Variants in DAB2IP observed in about 807,000 individuals in gnomAD.
DAB2IP encodes DAB2 interacting protein, also known as disabled homolog 2-interacting protein.
In DAB2IP, 28 loss-of-function variants were observed where a neutral mutation model predicts 107.2. The observed-to-expected ratio is 0.26, with a 90% CI of 0.19 to 0.36. The LOEUF (loss-of-function observed/expected upper bound fraction) is 0.36. Ranked by LOEUF, DAB2IP falls within the 10% of genes least tolerant of loss-of-function variation. DAB2IP has a pLI of 1.00. For missense variants in DAB2IP, 1,400 were observed against 1,644.7 expected (o/e 0.85, Z 2.57); for synonymous variants, 755 against 706.4 (o/e 1.07, Z -1.09).
At chr9:121,616,003 C>G (rs1424533894) in intron 1 of DAB2IP, among the ~76,000 whole-genome samples, 2 of 152,128 alleles carry the variant, frequency 1.3e-5, no homozygotes, top group African/African-American at 2.4e-5. Flanking sequence ...ATCTTGTGTC[C>G]CTGGGCCCAT....
At chr9:121,718,265 A>G (rs540529078) in intron 3 of DAB2IP, among the ~76,000 whole-genome samples, 1 of 151,886 alleles carries the variant, frequency 6.6e-6, no homozygotes, top group African/African-American at 2.4e-5. Context: ...TCACTCACTC[A>G]CTGGCTGCTC....
intron 1 of DAB2IP, among the ~76,000 whole-genome samples, chr9:121,568,233 T>C (rs1393679742): frequency 6.6e-6 from 1 of 152,118 alleles, no homozygotes; most frequent in Non-Finnish European, 1.5e-5. Context: ...CAAGGCCAAA[T>C]TTCCTTCCTC....
At chr9:121,686,532 C>G (rs986822403) in intron 2 of DAB2IP, among the ~76,000 whole-genome samples, 3 of 152,232 alleles carry the variant, frequency 2.0e-5, no homozygotes, top group Non-Finnish European at 4.4e-5. Context: ...GTGGAATGCT[C>G]TCTGTGGGGG....
In DAB2IP at chr9:121,760,505, C is replaced by T; in HGVS notation, c.1170+66C>T. 1 of 1,476,184 alleles carries T rather than the reference C, an allele frequency of 6.8e-7. No homozygotes were observed. The allele number at this position is 1,476,184 out of a possible 1,614,324, so 91.4% of individuals were successfully genotyped here. On this transcript the variant is annotated intron_variant, in intron 6 of 15. Transcript: ENST00000408936. The surrounding 1 kb of genome is among the most constrained non-coding windows in gnomAD (Gnocchi z 5.9). ...CAGCACTGGGTTACCTGCCCTTCCT[C>T]ACATCCGTACATTTCAGGCCTAACA...
In DAB2IP at chr9:121,633,317, T is replaced by C. The variant is rs1831961107; in HGVS notation, c.41-45361T>C. ...CCTCCCCAGGCCTATAAATTAATCA[T>C]GTGCACAAAGAGGGCCTTGTTCTCT... On this transcript the variant is annotated intron_variant, in intron 1 of 16. Coordinates refer to the DAB2IP transcript ENST00000259371. The surrounding 1 kb of genome is among the most constrained non-coding windows in gnomAD (Gnocchi z 5.1). Among the ~76,000 whole-genome samples, 1 of 152,022 alleles carries C rather than the reference T, an allele frequency of 6.6e-6. No homozygotes were observed. Among genetic ancestry groups the C allele is most frequent in the Admixed American group, 6.6e-5 (1 of 15,258 alleles).
At chr9:121,660,481 C>T (rs1377551000) in intron 1 of DAB2IP, among the ~76,000 whole-genome samples, 6 of 152,150 alleles carry the variant, frequency 3.9e-5, no homozygotes, top group Non-Finnish European at 8.8e-5. Flanking sequence ...GGCCAGTCCG[C>T]TTCCTGGGGA....
chr9:121,689,087 G>C (rs1253703726), intron 2 of DAB2IP, among the ~76,000 whole-genome samples: 1 of 152,172 alleles, frequency 6.6e-6, no homozygotes, highest in African/African-American at 2.4e-5. Context: ...GAGGTCAGGA[G>C]TTCTAGACCA....
At chr9:121,646,129 G>T (rs559379109) in intron 1 of DAB2IP, among the ~76,000 whole-genome samples, 1 of 152,150 alleles carries the variant, frequency 6.6e-6, no homozygotes, top group Non-Finnish European at 1.5e-5. Context: ...CCCCACTTCC[G>T]CCTGTGTTGA....
intron 3 of DAB2IP, among the ~76,000 whole-genome samples, chr9:121,707,179 C>T (rs969437445): frequency 2.0e-5 from 3 of 152,210 alleles, no homozygotes; most frequent in Admixed American, 2.0e-4. Flanking sequence ...ACTTTGCGCC[C>T]TGTGCCAGAG....
intron 3 of DAB2IP, among the ~76,000 whole-genome samples, chr9:121,735,706 A>G (rs1191777412): frequency 6.6e-6 from 1 of 152,160 alleles, no homozygotes; most frequent in Non-Finnish European, 1.5e-5. Flanking sequence ...GTGTGACGGT[A>G]TGATACCCTG....
At chr9:121,608,156 C>T (rs536985409) in intron 1 of DAB2IP, among the ~76,000 whole-genome samples, 44 of 152,206 alleles carry the variant, frequency 2.9e-4, no homozygotes, top group Non-Finnish European at 5.4e-4. Context: ...TCACACTTGA[C>T]GCTGTGCAGA....
At chr9:121,627,379 C>CT (rs35147565) in intron 1 of DAB2IP, among the ~76,000 whole-genome samples, 4,947 of 143,142 alleles carry the variant, frequency 0.035, 267 homozygotes, top group African/African-American at 0.11. Flanking sequence ...AGTTTTGGTG[C>CT]TTTTTTTTTT....
intron 1 of DAB2IP, among the ~76,000 whole-genome samples, chr9:121,617,595 G>A (rs559401041): frequency 2.0e-5 from 3 of 152,350 alleles, no homozygotes; most frequent in Admixed American, 6.5e-5. Flanking sequence ...CCCAGAGGCA[G>A]CCTGTCCTTT....
At chr9:121,705,489 T>C (rs1170529574) in intron 3 of DAB2IP, among the ~76,000 whole-genome samples, 1 of 152,232 alleles carries the variant, frequency 6.6e-6, no homozygotes, top group Non-Finnish European at 1.5e-5. Flanking sequence ...TGGCTACTAT[T>C]GTTATTATCG....
At chr9:121,624,243 G>A (rs995179935) in intron 1 of DAB2IP, among the ~76,000 whole-genome samples, 2 of 152,256 alleles carry the variant, frequency 1.3e-5, no homozygotes, top group African/African-American at 4.8e-5. Flanking sequence ...GCAGGAGCTG[G>A]TGTTGTTCCT....
At chr9:121,756,747 A>G (rs1270645775) in intron 3 of DAB2IP, among the ~76,000 whole-genome samples, 1 of 152,228 alleles carries the variant, frequency 6.6e-6, no homozygotes, top group Non-Finnish European at 1.5e-5. Flanking sequence ...TCACTTGCAA[A>G]TATTAACCCC....
rs1363795740 is a variant in DAB2IP at position 121,736,123 on chromosome 9, T to C, written c.363-20890T>C. Among the ~76,000 whole-genome samples the C allele has an allele frequency of 1.3e-5, 2 of 152,224 alleles. No homozygotes were observed. Among genetic ancestry groups the C allele is most frequent in the African/African-American group, 2.4e-5 (1 of 41,468 alleles). On this transcript the variant is annotated intron_variant, in intron 3 of 15. Transcript: ENST00000408936. The surrounding 1 kb of genome is among the most constrained non-coding windows in gnomAD (Gnocchi z 4.6). Reference sequence around the variant, plus strand: ...GGTGGGGAGTCGGGTTAGGGGATCATGGTAGACAAACCCCTGGCCTTGTCT... The same window carrying C: ...GGTGGGGAGTCGGGTTAGGGGATCACGGTAGACAAACCCCTGGCCTTGTCT...
chr9:121,770,490 C>A, intron 10 of DAB2IP, 56 bp from the exon 11 acceptor site: 1 of 1,573,994 alleles, frequency 6.4e-7, no homozygotes. Flanking sequence ...GCAGCACATA[C>A]AGCCTACCCA....
chr9:121,717,163 G>GGT (rs1337921062), intron 3 of DAB2IP, among the ~76,000 whole-genome samples: 1 of 152,182 alleles, frequency 6.6e-6, no homozygotes, highest in Non-Finnish European at 1.5e-5. Context: ...CAGTCCTCAT[G>GGT]GTAGGAATTA....
Sources: allele counts gnomAD v4.1 joint callset (sites outside exome capture counted in the v4.1 genomes callset), GRCh38; gene constraint gnomAD v4.1.1; non-coding constraint Gnocchi (gnomAD v3.1); transcripts MANE v1.5; gene names NCBI Gene and HGNC (gene_info 2026-07-23, HGNC 2026-07-21).